Variants in ISY1 observed in about 807,000 individuals in gnomAD.
The protein encoded by ISY1 is ISY1 spliceosome associated protein.
ISY1 carries 12 observed loss-of-function variants against 54.4 expected under a neutral mutation model. The ratio of observed to expected loss-of-function variants is 0.22; its 90% CI spans 0.14 to 0.36. The LOEUF (loss-of-function observed/expected upper bound fraction) is 0.36. ISY1 is among the 10% of genes least tolerant of loss of function. ISY1 has a pLI of 1.00. For synonymous variants in ISY1, 96 were observed against 117.9 expected (o/e 0.81, Z 1.20); for missense variants, 282 against 342.2 (o/e 0.82, Z 1.39).
Position 129,128,428 on chromosome 3 carries a change from G to C in ISY1, c.*1653C>G, listed in dbSNP as rs1936148662. 6.5e-6 allele frequency: 1 copy of C among 153,188 alleles called. No individual in the cohort carries two copies. Among genetic ancestry groups the C allele is most frequent in the Admixed American group, 6.5e-5 (1 of 15,310 alleles). 9.5% of individuals were successfully genotyped at this position (153,188 alleles called of 1,614,324 possible). A position where few individuals can be genotyped will look rare whatever the true frequency, so the allele number is the denominator to read the frequency against. ...CACCAAGCCCACCCACCTCCTGCCA[G>C]GGCCTCTGCCCCAGCCTCCTCCTGA... On this transcript the variant is annotated 3_prime_UTR_variant, in exon 11 of 11. Transcript: ENST00000393295.
In ISY1 at chr3:129,131,560, C is replaced by A. The variant is rs541184951; in HGVS notation, c.664-924G>T. 8.5e-5 allele frequency among the ~76,000 whole-genome samples: 13 copies of A among 152,100 alleles called. No individual in the cohort carries two copies. The East Asian group carries it at 1.9e-3, about 23-fold the overall frequency. On this transcript the variant is annotated intron_variant, in intron 9 of 10. Coordinates refer to ENST00000393295, the MANE Select transcript of ISY1 (RefSeq NM_020701.4). Reference sequence around the variant, plus strand: ...TATTTGCTATGTGTGTGTGTGTTCACCCTGTGAAAATCCAGTGACCTACAC... The same window carrying A: ...TATTTGCTATGTGTGTGTGTGTTCAACCTGTGAAAATCCAGTGACCTACAC...
rs1354814389 is a variant in ISY1, at chr3:129,132,763, C to T, written c.663+1311G>A. On this transcript the variant is annotated intron_variant, in intron 9 of 10. Transcript: ENST00000393295. ...GCTCACAGGAGCCATGAATTAAACA[C>T]CTGCTGAGAGAGCAAATGAATATTT... Among the ~76,000 whole-genome samples, 3 of 152,222 alleles carry T rather than the reference C, an allele frequency of 2.0e-5. No homozygotes were observed. In the East Asian group the frequency reaches 5.8e-4, roughly 29 times the overall value.
chr3:129,136,828 T>A (rs542292852), intron 7 of ISY1, among the ~76,000 whole-genome samples: 2 of 151,500 alleles, frequency 1.3e-5, no homozygotes, highest in Admixed American at 6.6e-5. Context: ...TAGCTGGGAT[T>A]ATAGGCACCT....
At chr3:129,156,719 T>C in intron 4 of ISY1, 44 bp from the exon 5 acceptor site, 5 of 1,567,804 alleles carry the variant, frequency 3.2e-6, no homozygotes, top group South Asian at 1.2e-5. Flanking sequence ...TTGAATATGT[T>C]AGAAAGCACA....
chr3:129,152,499 G>A (rs1937004785), intron 5 of ISY1, among the ~76,000 whole-genome samples: 2 of 152,154 alleles, frequency 1.3e-5, no homozygotes, highest in East Asian at 1.9e-4. Flanking sequence ...CGCCTCCCGG[G>A]TTCCAGCGAT....
intron 9 of ISY1, 107 bp from the exon 10 acceptor site, chr3:129,130,743 AAGAAAGTTCTATACTTAT>A (rs1936215847): frequency 2.5e-6 from 3 of 1,220,996 alleles, no homozygotes. Context: ...AAAAAAAACT[AAGAAAGTTCTATACTTAT>A]AGAAAGACAC....
In ISY1 at chr3:129,153,557, G is replaced by A. The variant is rs550716130; in HGVS notation, c.187+3076C>T. ...CCAGCACTACGGGAGGGTGAGGTGG[G>A]CAGGTCATGAGGTCAGGAGATCGAG... On this transcript the variant is annotated intron_variant, in intron 5 of 10. Coordinates refer to ENST00000393295, the MANE Select transcript of ISY1 (RefSeq NM_020701.4). Among the ~76,000 whole-genome samples the A allele has an allele frequency of 3.0e-4, 46 of 152,156 alleles. 1 individual carries two copies. In the South Asian group the frequency reaches 9.5e-3, roughly 32 times the overall value.
chr3:129,142,589 T>C (rs932669735), intron 6 of ISY1, among the ~76,000 whole-genome samples: 4 of 152,224 alleles, frequency 2.6e-5, no homozygotes, highest in Non-Finnish European at 4.4e-5. Context: ...TTTGCAATGC[T>C]CTTTGAGTTA....
intron 7 of ISY1, among the ~76,000 whole-genome samples, chr3:129,136,407 A>G (rs991097089): frequency 9.9e-5 from 15 of 152,054 alleles, no homozygotes; most frequent in African/African-American, 3.6e-4. Flanking sequence ...CGGCTAAGTA[A>G]TTATTAAAAA....
rs1937212064 is a variant in ISY1, at chr3:129,158,533, G to A, written c.53C>T (p.Ala18Val). 6.2e-7 allele frequency: 1 copy of A among 1,614,006 alleles called. No homozygotes were observed. Among genetic ancestry groups the A allele is most frequent in the Non-Finnish European group, 8.5e-7 (1 of 1,180,016 alleles). ...AMTALARFRQ[A>V]QLEEGKVKER... ...CTTCACTTTTCCCTCTTCCAGCTGA[G>A]CCTGGCGAAATCTTGCTAAGGCCGT... is the stretch of plus-strand genomic sequence containing the variant. The change falls in exon 3 of 11, where the codon GCT becomes GTT. Residue 18 changes from alanine (A) to valine (V), a missense_variant. Physicochemically the swap from Ala to Val is moderately conservative, Grantham distance 64. Coordinates refer to ENST00000393295, the MANE Select transcript of ISY1 (RefSeq NM_020701.4).
intron 3 of ISY1, 79 bp from the exon 4 acceptor site, chr3:129,156,999 A>AG: frequency 1.3e-6 from 2 of 1,499,214 alleles, no homozygotes; most frequent in Non-Finnish European, 1.8e-6. Context: ...TCAGGCCTTA[A>AG]GCCTAAATCA....
rs546486330 is a variant in ISY1 at position 129,147,088 on chromosome 3, A to T, written c.188-1215T>A. On this transcript the variant is annotated intron_variant, in intron 5 of 10. Transcript: ENST00000393295. The stretch of plus-strand genomic sequence containing the variant: ...AAAAAAAAAAGTCAAGTAAGAATAT[A>T]TTGTAACTGGGTGCGGTGGCTCACA... 2.7e-5 allele frequency among the ~76,000 whole-genome samples: 4 copies of T among 148,950 alleles called. No individual in the cohort carries two copies. In the Admixed American group the frequency reaches 2.7e-4, roughly 10 times the overall value.
chr3:129,135,885 C>A (rs1184007702), intron 7 of ISY1, among the ~76,000 whole-genome samples: 1 of 151,912 alleles, frequency 6.6e-6, no homozygotes, highest in Non-Finnish European at 1.5e-5. Context: ...TTGTAAATTG[C>A]AGAATATGTA....
At chr3:129,156,366 TC>T (rs1937141217) in intron 5 of ISY1, among the ~76,000 whole-genome samples, 1 of 137,008 alleles carries the variant, frequency 7.3e-6, no homozygotes, top group Non-Finnish European at 1.5e-5. Flanking sequence ...ACCACTGCAC[TC>T]CAGCCTGGGT....
intron 5 of ISY1, among the ~76,000 whole-genome samples, chr3:129,146,967 G>C (rs1936779514): frequency 6.6e-6 from 1 of 152,008 alleles, no homozygotes; most frequent in Non-Finnish European, 1.5e-5. Flanking sequence ...ACTTAGGTGG[G>C]AGAATCGCTT....
At chr3:129,151,121 CA>C (rs924271437) in intron 5 of ISY1, among the ~76,000 whole-genome samples, 6 of 120,910 alleles carry the variant, frequency 5.0e-5, no homozygotes, top group Admixed American at 1.7e-4. Context: ...GACTCTGTCT[CA>C]AAAAAAAATA....
At chr3:129,138,295 T>A (rs1936487878) in intron 7 of ISY1, among the ~76,000 whole-genome samples, 1 of 143,548 alleles carries the variant, frequency 7.0e-6, no homozygotes, top group Non-Finnish European at 1.5e-5. Context: ...AAAAAAGAGC[T>A]CGAGACCACC....
At chr3:129,153,052 C>T (rs1937025685) in intron 5 of ISY1, among the ~76,000 whole-genome samples, 2 of 148,136 alleles carry the variant, frequency 1.4e-5, no homozygotes, top group African/African-American at 5.0e-5. Context: ...CTCTGTCACC[C>T]AGGCTGGAGT....
chr3:129,160,918 G>GTCCC, intron 1 of ISY1, 55 bp downstream of exon 1: 1 of 666,124 alleles, frequency 1.5e-6, no homozygotes, highest in South Asian at 1.6e-5. Context: ...TGGACTGGGC[G>GTCCC]CCCCCCCGCC....
Sources: gnomAD v4.1 joint callset for allele counts (sites outside exome capture counted in the v4.1 genomes callset) on GRCh38, gnomAD v4.1.1 for gene constraint, MANE v1.5 for transcripts, NCBI Gene and HGNC (gene_info 2026-07-23, HGNC 2026-07-21) for gene names.